The following EPHA6 variants were observed in gnomAD, a reference collection of about 807,000 sequenced individuals.
EPHA6 encodes EPH receptor A6.
A neutral mutation model predicts 112.0 loss-of-function variants in EPHA6; 50 were observed. That is an observed-to-expected ratio of 0.45 (90% CI 0.36 to 0.56). The LOEUF (loss-of-function observed/expected upper bound fraction) is 0.56. Ranked by LOEUF, EPHA6 falls within the 20% of genes least tolerant of loss-of-function variation. The pLI is 0.00. For synonymous variants in EPHA6, 529 were observed against 490.7 expected (o/e 1.08, Z -1.03); for missense variants, 1,280 against 1,417.4 (o/e 0.90, Z 1.56).
intron 3 of EPHA6, among the ~76,000 whole-genome samples, chr3:97,202,251 GA>G (rs1229765575): frequency 2.6e-5 from 4 of 152,000 alleles, no homozygotes; most frequent in Non-Finnish European, 1.5e-5. Context: ...CTACGAGGAA[GA>G]TATTAAAATT....
intron 3 of EPHA6, among the ~76,000 whole-genome samples, chr3:97,002,659 A>G (rs908625687): frequency 6.6e-6 from 1 of 151,956 alleles, no homozygotes; most frequent in South Asian, 2.1e-4. Flanking sequence ...TTTGAGTGAC[A>G]TAAAGAATAT....
intron 3 of EPHA6, among the ~76,000 whole-genome samples, chr3:97,188,548 C>T (rs1233897658): frequency 6.6e-6 from 1 of 151,862 alleles, no homozygotes; most frequent in South Asian, 2.1e-4. Flanking sequence ...ATTTTATTTG[C>T]TTTAGAAAGA....
intron 3 of EPHA6, among the ~76,000 whole-genome samples, chr3:97,223,813 C>A (rs1329504632): frequency 6.6e-6 from 1 of 152,114 alleles, no homozygotes; most frequent in Non-Finnish European, 1.5e-5. Flanking sequence ...TCATGGGCAA[C>A]GTTGTAATCC....
chr3:97,104,409 G>T (rs1016951479), intron 3 of EPHA6, among the ~76,000 whole-genome samples: 2 of 151,878 alleles, frequency 1.3e-5, no homozygotes, highest in African/African-American at 2.4e-5. Context: ...TAATCATGTG[G>T]TTTTTTTCTT....
intron 3 of EPHA6, among the ~76,000 whole-genome samples, chr3:97,105,055 A>C (rs766730497): frequency 6.6e-6 from 1 of 151,288 alleles, no homozygotes; most frequent in Non-Finnish European, 1.5e-5. Context: ...TAGTCTAGCT[A>C]GCAGCCTATT....
At chr3:97,736,464 A>T (rs865867708) in intron 16 of EPHA6, among the ~76,000 whole-genome samples, 52 of 143,340 alleles carry the variant, frequency 3.6e-4, no homozygotes, top group East Asian at 2.1e-3. Context: ...AGAGAGAGAG[A>T]GAGAGAGTGT....
At position 97,066,595 on chromosome 3, in the gene EPHA6, G is replaced by A. The variant is rs185856026; in HGVS notation, c.1114+78602G>A. Among the ~76,000 whole-genome samples, 302 of 152,250 alleles carry A rather than the reference G, an allele frequency of 2.0e-3. 4 individuals are homozygous for A. Among genetic ancestry groups the A allele is most frequent in the East Asian group, 7.7e-4 (4 of 5,172 alleles). On this transcript the variant is annotated intron_variant, in intron 3 of 17. Coordinates refer to ENST00000389672, the MANE Select transcript of EPHA6 (RefSeq NM_001080448.3). ...TTTCTGCTGATAAGACCCAAGAGAA[G>A]GAGAGGTTTATCTTATCAAAACAGA...
At chr3:96,951,949 T>C (rs1387311282) in intron 2 of EPHA6, among the ~76,000 whole-genome samples, 3 of 151,966 alleles carry the variant, frequency 2.0e-5, no homozygotes, top group Admixed American at 6.6e-5. Flanking sequence ...AGTTAAGGAG[T>C]TGACTTACTG....
intron 2 of EPHA6, among the ~76,000 whole-genome samples, chr3:96,958,217 G>A (rs553416169): frequency 1.4e-4 from 21 of 151,842 alleles, no homozygotes; most frequent in African/African-American, 5.1e-4. Flanking sequence ...TTGAACCCGG[G>A]AGGCGGAGGT....
At chr3:97,436,126 T>C (rs2089822192) in intron 6 of EPHA6, among the ~76,000 whole-genome samples, 1 of 152,168 alleles carries the variant, frequency 6.6e-6, no homozygotes, top group African/African-American at 2.4e-5. Context: ...GAGGCACACA[T>C]TTGATATCTT....
intron 5 of EPHA6, among the ~76,000 whole-genome samples, chr3:97,299,879 C>CAT (rs888192903): frequency 1.3e-5 from 2 of 152,152 alleles, no homozygotes; most frequent in Non-Finnish European, 2.9e-5. Flanking sequence ...ACAAGGAAGG[C>CAT]ATGACCTTTA....
At chr3:97,153,997 C>G (rs1291627237) in intron 3 of EPHA6, among the ~76,000 whole-genome samples, 1 of 152,028 alleles carries the variant, frequency 6.6e-6, no homozygotes, top group Non-Finnish European at 1.5e-5. Flanking sequence ...GAAATCCCAT[C>G]TCTACTGAAA....
At chr3:97,143,911 TA>T (rs2075973205) in intron 3 of EPHA6, among the ~76,000 whole-genome samples, 1 of 151,624 alleles carries the variant, frequency 6.6e-6, no homozygotes, top group Non-Finnish European at 1.5e-5. Flanking sequence ...CAAAGGTTTT[TA>T]AAGGAAAAAT....
intron 5 of EPHA6, among the ~76,000 whole-genome samples, chr3:97,354,756 G>GAT (rs929564876): frequency 8.5e-5 from 13 of 152,106 alleles, no homozygotes; most frequent in African/African-American, 2.7e-4. Flanking sequence ...AGTACAAAAA[G>GAT]ATTATAGAAC....
At chr3:97,482,547 C>G (rs911503374) in intron 9 of EPHA6, among the ~76,000 whole-genome samples, 4 of 152,138 alleles carry the variant, frequency 2.6e-5, no homozygotes, top group African/African-American at 4.8e-5. Context: ...TTAATTTTCT[C>G]ACGGTCCATA....
intron 14 of EPHA6, among the ~76,000 whole-genome samples, chr3:97,705,585 AT>A (rs2033634268): frequency 6.6e-6 from 1 of 152,196 alleles, no homozygotes; most frequent in South Asian, 2.1e-4. Context: ...GCCTCAGGGA[AT>A]TTATAATCTG....
intron 3 of EPHA6, among the ~76,000 whole-genome samples, chr3:97,009,592 G>A (rs916489424): frequency 6.6e-6 from 1 of 152,218 alleles, no homozygotes. Context: ...GAGCTCAAAG[G>A]GCTTAGACAG....
At chr3:97,431,706 G>A (rs1235695773) in intron 6 of EPHA6, among the ~76,000 whole-genome samples, 2 of 152,010 alleles carry the variant, frequency 1.3e-5, no homozygotes, top group Admixed American at 6.6e-5. Context: ...ATGCATCACA[G>A]CATTTTTCTT....
At chr3:96,973,878 T>C (rs1482973229) in intron 2 of EPHA6, among the ~76,000 whole-genome samples, 1 of 145,354 alleles carries the variant, frequency 6.9e-6, no homozygotes, top group Non-Finnish European at 1.5e-5. Flanking sequence ...TATAATATGA[T>C]AGATTCTGTA....
Sources: gnomAD v4.1 joint callset for allele counts (sites outside exome capture counted in the v4.1 genomes callset) on GRCh38, gnomAD v4.1.1 for gene constraint, MANE v1.5 for transcripts, NCBI Gene and HGNC (gene_info 2026-07-23, HGNC 2026-07-21) for gene names.